The following BICC1 variants were observed in gnomAD, a reference collection of about 807,000 sequenced individuals.
BICC1 encodes protein bicaudal C homolog 1.
BICC1 carries 43 observed loss-of-function variants against 111.0 expected under a neutral mutation model. That is an observed-to-expected ratio of 0.39 (90% CI 0.30 to 0.50). BICC1 has a LOEUF of 0.50. Among genes scored for constraint, BICC1 ranks in the 20% least tolerant of loss-of-function variants. The pLI is 0.88. For missense variants in BICC1, 1,091 were observed against 1,203.2 expected, an observed-to-expected ratio of 0.91 and a Z score of 1.38; for synonymous variants, 467 against 434.4, an observed-to-expected ratio of 1.07 and a Z score of -0.93.
At chr10:58,794,674 C>T (rs572266463) in intron 9 of BICC1, among the ~76,000 whole-genome samples, 2 of 152,266 alleles carry the variant, frequency 1.3e-5, no homozygotes, top group South Asian at 4.1e-4. Flanking sequence ...CCCACCACAG[C>T]CTCCCAAAGT....
chr10:58,691,037 A>G (rs1351085486), intron 2 of BICC1, among the ~76,000 whole-genome samples: 2 of 152,212 alleles, frequency 1.3e-5, no homozygotes, highest in African/African-American at 4.8e-5. Context: ...AATGTATACA[A>G]CTTGATGAGT....
At chr10:58,540,804 C>T (rs530822880) in intron 1 of BICC1, among the ~76,000 whole-genome samples, 1 of 152,012 alleles carries the variant, frequency 6.6e-6, no homozygotes, top group Admixed American at 6.6e-5. Context: ...TGCAAAAATC[C>T]TCAACAAAAT....
chr10:58,543,046 C>A (rs1419955803), intron 1 of BICC1, among the ~76,000 whole-genome samples: 1 of 151,978 alleles, frequency 6.6e-6, no homozygotes, highest in Non-Finnish European at 1.5e-5. Context: ...AAAACAGGAC[C>A]CCATGGAGAT....
At position 58,800,263 on chromosome 10, in the gene BICC1, G is replaced by A. The variant is rs765964273; in HGVS notation, c.1795G>A (p.Gly599Arg). The change falls in exon 13 of 21, where the codon GGG (glycine) becomes AGG (arginine). Residue 599 changes from glycine to arginine, a missense_variant. Physicochemically the swap from Gly to Arg is moderately radical, Grantham distance 125. Coordinates refer to ENST00000373886, the MANE Select transcript of BICC1 (RefSeq NM_001080512.3). Reference protein sequence around the residue: ...LGEKVLSANHGDPSIQTSGSE... With the variant: ...LGEKVLSANHRDPSIQTSGSE... ...AGAAAAAGTGCTGAGTGCAAATCAC[G>A]GGGATCCGTCCATCCAGACAAGTGG... The A allele has an allele frequency of 1.7e-5, 27 of 1,613,288 alleles. No individual in the cohort carries two copies. Among genetic ancestry groups the A allele is most frequent in the Admixed American group, 8.3e-5 (5 of 59,932 alleles).
intron 1 of BICC1, among the ~76,000 whole-genome samples, chr10:58,529,301 ATGT>A (rs1393471790): frequency 2.0e-5 from 3 of 151,938 alleles, no homozygotes; most frequent in Non-Finnish European, 2.9e-5. Context: ...GGAAAATGTA[ATGT>A]TGTGCCTTAG....
chr10:58,750,715 A>G (rs1253445293), intron 3 of BICC1, among the ~76,000 whole-genome samples: 4 of 152,192 alleles, frequency 2.6e-5, no homozygotes, highest in African/African-American at 9.6e-5. Context: ...GATTTTTTAA[A>G]CAAAATGCCT....
intron 3 of BICC1, among the ~76,000 whole-genome samples, chr10:58,726,891 G>A (rs1841123997): frequency 6.6e-6 from 1 of 152,178 alleles, no homozygotes; most frequent in Non-Finnish European, 1.5e-5. Flanking sequence ...AAATTCAGAC[G>A]TATAGACTGT....
chr10:58,627,472 T>G (rs576251722), intron 2 of BICC1, among the ~76,000 whole-genome samples: 2 of 152,336 alleles, frequency 1.3e-5, no homozygotes, highest in South Asian at 4.1e-4. Context: ...GCATTTCCCT[T>G]AATCGAAAGA....
chr10:58,556,334 T>C (rs573256024), intron 1 of BICC1, among the ~76,000 whole-genome samples: 1 of 152,258 alleles, frequency 6.6e-6, no homozygotes, highest in East Asian at 1.9e-4. Flanking sequence ...CATCGAAGCA[T>C]TTTATGTAAG....
In BICC1 at chr10:58,831,184, T is replaced by G. The variant is rs1844541853; in HGVS notation, c.*2293T>G. On this transcript the variant is annotated 3_prime_UTR_variant, in exon 21 of 21. Coordinates refer to ENST00000373886, the MANE Select transcript of BICC1 (RefSeq NM_001080512.3). ...ATGACACTACAGTATACAGAGTTGT[T>G]GTTATATGATGCACAAAATATTTTG... 6.6e-6 allele frequency: 1 copy of G among 152,230 alleles called. No individual in the cohort carries two copies. Among genetic ancestry groups the G allele is most frequent in the South Asian group, 2.1e-4 (1 of 4,834 alleles). 9.4% of individuals were successfully genotyped at this position (152,230 alleles called of 1,614,324 possible).
chr10:58,769,396 G>A (rs1353560605), intron 3 of BICC1, among the ~76,000 whole-genome samples: 19 of 105,142 alleles, frequency 1.8e-4, no homozygotes, highest in African/African-American at 4.4e-4. Context: ...GTGTGTGTGT[G>A]TGTGTGTGTA....
rs189709226 is a variant in BICC1, at chr10:58,620,938, A to G, written c.237+37A>G. 169 of 1,577,826 alleles carry G rather than the reference A, an allele frequency of 1.1e-4. 1 individual carries two copies. In the East Asian group the frequency reaches 3.6e-3, roughly 34 times the overall value. On this transcript the variant is annotated intron_variant, in intron 2 of 20. Coordinates refer to ENST00000373886, the MANE Select transcript of BICC1 (RefSeq NM_001080512.3). ...TTTACTCTTGTCATGGTGATAAGTA[A>G]GAGGAAATATACTTATCTCAACAGC...
chr10:58,608,917 T>C (rs912923898), intron 1 of BICC1, among the ~76,000 whole-genome samples: 1 of 152,222 alleles, frequency 6.6e-6, no homozygotes, highest in African/African-American at 2.4e-5. Context: ...AGCAGGCATG[T>C]CTCTTCTTTG....
At chr10:58,789,226 A>G in intron 6 of BICC1, 36 bp from the exon 7 acceptor site, 1 of 1,563,774 alleles carries the variant, frequency 6.4e-7, no homozygotes, top group Non-Finnish European at 8.8e-7. Context: ...CTAATGCTTT[A>G]ACTCTCTGCT....
At chr10:58,661,142 G>A (rs544427277) in intron 2 of BICC1, among the ~76,000 whole-genome samples, 1 of 151,792 alleles carries the variant, frequency 6.6e-6, no homozygotes, top group African/African-American at 2.4e-5. Flanking sequence ...ATGCTGTCAG[G>A]TTTTTTAAGG....
chr10:58,662,601 A>G (rs1451903743), intron 2 of BICC1, among the ~76,000 whole-genome samples: 2 of 152,178 alleles, frequency 1.3e-5, no homozygotes, highest in Non-Finnish European at 2.9e-5. Context: ...TCTGTCACTG[A>G]TTATCTCGTA....
intron 12 of BICC1, 94 bp downstream of exon 12, chr10:58,799,346 T>TGA (rs1204673000): frequency 2.2e-6 from 2 of 907,672 alleles, no homozygotes; most frequent in Non-Finnish European, 3.1e-6. Context: ...TGTGTGTGTG[T>TGA]GATCTCTGCT....
intron 1 of BICC1, among the ~76,000 whole-genome samples, chr10:58,599,730 A>T (rs2132067477): frequency 6.6e-6 from 1 of 152,292 alleles, no homozygotes; most frequent in South Asian, 2.1e-4. Context: ...GGTTGGGGAC[A>T]GTACCAGATC....
intron 3 of BICC1, among the ~76,000 whole-genome samples, chr10:58,718,113 G>A (rs1417242699): frequency 6.6e-6 from 1 of 152,068 alleles, no homozygotes; most frequent in South Asian, 2.1e-4. Context: ...TTAGTGAGTT[G>A]TTGTCTTAGT....
Sources: gnomAD v4.1 joint callset for allele counts (sites outside exome capture counted in the v4.1 genomes callset) on GRCh38, gnomAD v4.1.1 for gene constraint, MANE v1.5 for transcripts, NCBI Gene and HGNC (gene_info 2026-07-23, HGNC 2026-07-21) for gene names.